Variants in PALLD observed in about 807,000 individuals in gnomAD.
The protein encoded by PALLD is palladin.
PALLD carries 61 observed loss-of-function variants against 123.5 expected under a neutral mutation model. The observed-to-expected ratio is 0.49, with a 90% CI of 0.40 to 0.61. The LOEUF is 0.61. Ranked by LOEUF, PALLD falls within the 20% of genes least tolerant of loss-of-function variation. The probability of loss-of-function intolerance (pLI) is 0.00; values close to 1 mark genes in which losing one functional copy is unlikely to be tolerated. For synonymous variants in PALLD, 465 were observed against 496.4 expected (o/e 0.94, Z 0.84); for missense variants, 1,273 against 1,377.0 (o/e 0.92, Z 1.20).
At chr4:168,586,729 G>C (rs1770859021) in intron 2 of PALLD, among the ~76,000 whole-genome samples, 2 of 152,064 alleles carry the variant, frequency 1.3e-5, no homozygotes, top group South Asian at 4.1e-4. Context: ...AGGGCACTCT[G>C]GACATCCATG....
chr4:168,524,066 A>G (rs1017541854), intron 2 of PALLD, among the ~76,000 whole-genome samples: 3 of 152,212 alleles, frequency 2.0e-5, no homozygotes, highest in African/African-American at 7.2e-5. Flanking sequence ...ATACTGCCAG[A>G]TTTCTGGGAT....
chr4:168,505,126 T>C lies in PALLD; in HGVS notation c.-82-6297T>C, dbSNP rs936702524. 1.7e-4 allele frequency among the ~76,000 whole-genome samples: 26 copies of C among 152,336 alleles called. No homozygotes were observed. The East Asian group carries it at 2.5e-3, about 15-fold the overall frequency. On this transcript the variant is annotated intron_variant, in intron 1 of 21. Transcript: ENST00000505667. ...AACTTGGCCCGCTTGGAAACCGCCC[T>C]TGTTCATCCTCATTGAATGAGCATT...
intron 3 of PALLD, among the ~76,000 whole-genome samples, chr4:168,675,118 T>C (rs1367121524): frequency 1.3e-5 from 2 of 152,192 alleles, no homozygotes; most frequent in African/African-American, 4.8e-5. Flanking sequence ...CCTGTGATTG[T>C]AAAATGAATT....
chr4:168,878,509 A>G, intron 10 of PALLD: 1 of 656,940 alleles, frequency 1.5e-6, no homozygotes, highest in Non-Finnish European at 2.3e-6. Context: ...CGCCCCAGTA[A>G]CATTTCACAC....
chr4:168,602,220 A>G (rs900105048), intron 2 of PALLD, among the ~76,000 whole-genome samples: 8 of 152,158 alleles, frequency 5.3e-5, no homozygotes, highest in African/African-American at 1.4e-4. Flanking sequence ...AGAGTTATGT[A>G]CTCGCCAGGC....
Position 168,878,169 on chromosome 4 carries a change from C to T in PALLD, c.1965-12753C>T, listed in dbSNP as rs1287732275. On this transcript the variant is annotated intron_variant, in intron 10 of 21. Transcript: ENST00000505667. ...TCGCCGTCGCCCCCGCCCCCGCCACCCCCGGTCTTCAGCCCCACGGCTGCC... is the reference window on the plus strand; with the variant it reads ...TCGCCGTCGCCCCCGCCCCCGCCACTCCCGGTCTTCAGCCCCACGGCTGCC... 3 of 1,499,308 alleles carry T rather than the reference C, an allele frequency of 2.0e-6. No homozygotes were observed. Among genetic ancestry groups the T allele is most frequent in the African/African-American group, 1.4e-5 (1 of 69,040 alleles). The allele number at this position is 1,499,308 out of a possible 1,614,324, so 92.9% of individuals were successfully genotyped here.
intron 10 of PALLD, among the ~76,000 whole-genome samples, chr4:168,815,732 G>T (rs537801878): frequency 6.6e-6 from 1 of 152,310 alleles, no homozygotes; most frequent in African/African-American, 2.4e-5. Context: ...GAATTAACAC[G>T]GTGGACGAGG....
intron 10 of PALLD, among the ~76,000 whole-genome samples, chr4:168,762,656 C>T (rs1204627475): frequency 6.6e-6 from 1 of 152,070 alleles, no homozygotes. Context: ...ACCATTTGAC[C>T]CAGCGATCCC....
chr4:168,705,869 C>G (rs920836157), intron 8 of PALLD, among the ~76,000 whole-genome samples: 3 of 152,146 alleles, frequency 2.0e-5, no homozygotes, highest in Non-Finnish European at 4.4e-5. Context: ...TCTTGAACTC[C>G]TGACCTCAAG....
At chr4:168,921,476 C>T in intron 17 of PALLD, 58 bp from the exon 18 acceptor site, 1 of 1,136,218 alleles carries the variant, frequency 8.8e-7, no homozygotes, top group Non-Finnish European at 1.3e-6. Context: ...TTCTTAGCTA[C>T]CAGTGATTTC....
intron 2 of PALLD, among the ~76,000 whole-genome samples, chr4:168,588,533 C>G (rs539138098): frequency 6.6e-6 from 1 of 152,224 alleles, no homozygotes; most frequent in Non-Finnish European, 1.5e-5. Context: ...TCCTGAGTAC[C>G]TGGGATTACA....
chr4:168,724,060 T>A (rs1053348306), intron 10 of PALLD, among the ~76,000 whole-genome samples: 3 of 151,994 alleles, frequency 2.0e-5, no homozygotes, highest in Non-Finnish European at 4.4e-5. Flanking sequence ...GCCCAGCTAA[T>A]TTTTTTGTAT....
intron 2 of PALLD, among the ~76,000 whole-genome samples, chr4:168,628,138 A>C (rs745686998): frequency 4.6e-5 from 7 of 152,270 alleles, no homozygotes; most frequent in Non-Finnish European, 8.8e-5. Context: ...AAACTTGCAC[A>C]AGTGTAAAAT....
intron 2 of PALLD, among the ~76,000 whole-genome samples, chr4:168,539,969 C>G (rs867082068): frequency 6.6e-6 from 1 of 152,058 alleles, no homozygotes; most frequent in Non-Finnish European, 1.5e-5. Flanking sequence ...TTCTCCCTCC[C>G]TCCCCCTTCT....
intron 10 of PALLD, among the ~76,000 whole-genome samples, chr4:168,874,113 TATTGAGCTC>T (rs1195908806): frequency 6.6e-6 from 1 of 152,236 alleles, no homozygotes; most frequent in African/African-American, 2.4e-5. Flanking sequence ...AAAGATAATT[TATTGAGCTC>T]ATACTCTGAA....
At chr4:168,659,289 T>C (rs953797994) in intron 2 of PALLD, among the ~76,000 whole-genome samples, 1 of 152,230 alleles carries the variant, frequency 6.6e-6, no homozygotes, top group Non-Finnish European at 1.5e-5. Context: ...ATATAACCAT[T>C]GCTGAAGCAC....
chr4:168,832,117 C>G, intron 10 of PALLD: 2 of 985,424 alleles, frequency 2.0e-6, no homozygotes, highest in Non-Finnish European at 2.4e-6. Flanking sequence ...CTGCAGCTCC[C>G]GCTCGCTCCG....
chr4:168,500,161 T>G (rs1761247468), intron 1 of PALLD, among the ~76,000 whole-genome samples: 1 of 152,232 alleles, frequency 6.6e-6, no homozygotes, highest in Non-Finnish European at 1.5e-5. Context: ...ACTGTTCACT[T>G]TTGAAAGCAG....
chr4:168,913,210 C>T (rs186574311), intron 15 of PALLD, among the ~76,000 whole-genome samples: 61 of 150,324 alleles, frequency 4.1e-4, no homozygotes, highest in African/African-American at 1.4e-3. Context: ...CATCTCAGCT[C>T]ACTGCAACCT....
Sources: gnomAD v4.1 joint callset for allele counts (sites outside exome capture counted in the v4.1 genomes callset) on GRCh38, gnomAD v4.1.1 for gene constraint, MANE v1.5 for transcripts, NCBI Gene and HGNC (gene_info 2026-07-23, HGNC 2026-07-21) for gene names.